The following PCDHGA10 variants were observed in gnomAD, a reference collection of about 807,000 sequenced individuals.
PCDHGA10 encodes protocadherin gamma-A10.
Under a neutral mutation model 59.5 loss-of-function variants are expected in PCDHGA10, and 42 were observed. The ratio of observed to expected loss-of-function variants is 0.71; its 90% CI spans 0.55 to 0.91. The LOEUF (loss-of-function observed/expected upper bound fraction) is 0.91, where lower values mean the gene tolerates loss of function less well. Ranked by LOEUF, PCDHGA10 falls within the 40% of genes least tolerant of loss-of-function variation. PCDHGA10 has a pLI of 0.00. For synonymous variants in PCDHGA10, 511 were observed against 517.2 expected, an observed-to-expected ratio of 0.99 and a Z score of 0.16; for missense variants, 1,111 against 1,198.2, an observed-to-expected ratio of 0.93 and a Z score of 1.07.
chr5:141,460,214 G>C (rs925628892), intron 1 of PCDHGA10, among the ~76,000 whole-genome samples: 1 of 151,896 alleles, frequency 6.6e-6, no homozygotes, highest in South Asian at 2.1e-4. Flanking sequence ...CATTTTCTTA[G>C]TTGTGTCTTT....
At chr5:141,419,781 G>A in intron 1 of PCDHGA10, 1 of 1,614,032 alleles carries the variant, frequency 6.2e-7, no homozygotes, top group Non-Finnish European at 8.5e-7. Flanking sequence ...GTCCGCCAGC[G>A]CCTGCTAGTC....
At chr5:141,420,824 C>T (rs1282369085) in intron 1 of PCDHGA10, among the ~76,000 whole-genome samples, 1 of 152,216 alleles carries the variant, frequency 6.6e-6, no homozygotes, top group Admixed American at 6.5e-5. Context: ...TTAATAATTA[C>T]TCCTTTCGCA....
At chr5:141,446,767 G>T (rs891355909) in intron 1 of PCDHGA10, among the ~76,000 whole-genome samples, 1 of 152,118 alleles carries the variant, frequency 6.6e-6, no homozygotes, top group African/African-American at 2.4e-5. Flanking sequence ...GCGCCCAGCC[G>T]GTTACCATTC....
At position 141,432,871 on chromosome 5, in the gene PCDHGA10, C is replaced by T. The variant is rs1190891661; in HGVS notation, c.2436+17260C>T. On this transcript the variant is annotated intron_variant, in intron 1 of 3. Transcript: ENST00000398610. This position sits in a 1 kb window ranked among gnomAD's most constrained non-coding sequence, Gnocchi z 6.0. ...CGGTGGCCGCGGTCTCCTGCGTCTT[C>T]CTGGCCTTCGTCATCTTGCTGCTGG... 1 of 1,614,216 alleles carries T rather than the reference C, an allele frequency of 6.2e-7. No homozygotes were observed. Among genetic ancestry groups the T allele is most frequent in the Non-Finnish European group, 8.5e-7 (1 of 1,180,018 alleles).
rs751214480 is a variant in PCDHGA10, at chr5:141,485,161, G to A, written c.2437-9646G>A. ...CGTCTCAGGAGCAAGTAGAGAATTA[G>A]CGGGCGGCAGCAATGCTCCGCAAGG... On this transcript the variant is annotated intron_variant, in intron 1 of 3. Transcript: ENST00000398610. The surrounding 1 kb of genome is among the most constrained non-coding windows in gnomAD (Gnocchi z 5.7). The A allele has an allele frequency of 8.1e-6, 13 of 1,603,712 alleles. No individual in the cohort carries two copies. The Admixed American group carries it at 2.0e-4, about 25-fold the overall frequency.
chr5:141,499,932 C>A (rs1169727162), intron 2 of PCDHGA10, among the ~76,000 whole-genome samples: 1 of 152,076 alleles, frequency 6.6e-6, no homozygotes, highest in Non-Finnish European at 1.5e-5. Context: ...AAGTGATCCA[C>A]CCTCCTCGGC....
At position 141,486,408 on chromosome 5, in the gene PCDHGA10, C is replaced by G; in HGVS notation, c.2437-8399C>G. The G allele has an allele frequency of 1.2e-6, 2 of 1,614,156 alleles. No homozygotes were observed. The highest frequency in any genetic ancestry group is 1.7e-6 in the Non-Finnish European group (2 of 1,180,014). Reference sequence around the variant, plus strand: ...CAGTTCTCCCTGGTGACTGCTGGACCCTTGGATCGAGAGGCCAAATCTAGC... The same window carrying G: ...CAGTTCTCCCTGGTGACTGCTGGACGCTTGGATCGAGAGGCCAAATCTAGC... On this transcript the variant is annotated intron_variant, in intron 1 of 3. Transcript: ENST00000398610. This position sits in a 1 kb window ranked among gnomAD's most constrained non-coding sequence, Gnocchi z 5.0.
At chr5:141,423,148 C>G (rs2096714622) in intron 1 of PCDHGA10, 1 of 1,613,404 alleles carries the variant, frequency 6.2e-7, no homozygotes, top group African/African-American at 1.3e-5. Flanking sequence ...CGCGCTCAAG[C>G]AGAGCCTCGT....
intron 1 of PCDHGA10, among the ~76,000 whole-genome samples, chr5:141,443,592 G>A (rs2098395439): frequency 6.6e-6 from 1 of 152,076 alleles, no homozygotes; most frequent in Admixed American, 6.6e-5. Context: ...AACAGAATGT[G>A]GTATATGAAA....
chr5:141,486,282 C>T lies in PCDHGA10; in HGVS notation c.2437-8525C>T. ...AGTGCAGAACCTGGCACTGTGGTGGCACTTATCAGTGTGCAGGATCCAGAC... is the reference window on the plus strand; with the variant it reads ...AGTGCAGAACCTGGCACTGTGGTGGTACTTATCAGTGTGCAGGATCCAGAC... On this transcript the variant is annotated intron_variant, in intron 1 of 3. Transcript: ENST00000398610. This position sits in a 1 kb window ranked among gnomAD's most constrained non-coding sequence, Gnocchi z 5.0. 6.2e-7 allele frequency: 1 copy of T among 1,614,052 alleles called. No homozygotes were observed. Among genetic ancestry groups the T allele is most frequent in the Non-Finnish European group, 8.5e-7 (1 of 1,179,992 alleles).
In PCDHGA10 at chr5:141,490,108, C is replaced by A; in HGVS notation, c.2437-4699C>A. The A allele has an allele frequency of 6.2e-7, 1 of 1,614,244 alleles. No homozygotes were observed. The highest frequency in any genetic ancestry group is 8.5e-7 in the Non-Finnish European group (1 of 1,180,034). On this transcript the variant is annotated intron_variant, in intron 1 of 3. Transcript: ENST00000398610. This position sits in a 1 kb window ranked among gnomAD's most constrained non-coding sequence, Gnocchi z 5.4. The stretch of plus-strand genomic sequence containing the variant: ...TGGAGACCACACATCTGAGGCAGTG[C>A]GGAACCTCTTTGGCCTAGACCCTAG...
Position 141,491,880 on chromosome 5 carries a change from G to C in PCDHGA10, c.2437-2927G>C. ...GCGAAACCAGAGTGGCCGATTAAGG[G>C]ATGGGGCTCCGAGCACCGGGGGTGG... On this transcript the variant is annotated intron_variant, in intron 1 of 3. Transcript: ENST00000398610. This position sits in a 1 kb window ranked among gnomAD's most constrained non-coding sequence, Gnocchi z 6.9. 1 of 1,449,834 alleles carries C rather than the reference G, an allele frequency of 6.9e-7. No individual in the cohort carries two copies. 89.8% of individuals were successfully genotyped at this position (1,449,834 alleles called of 1,614,324 possible).
At chr5:141,471,504 G>A (rs1487198851) in intron 1 of PCDHGA10, 1 of 152,214 alleles carries the variant, frequency 6.6e-6, no homozygotes, top group Non-Finnish European at 1.5e-5. Flanking sequence ...ATGCAAGAGA[G>A]GGAGTAAAAA....
At chr5:141,498,971 GGGAAGGAAGGAAGGAAGGAA>G (rs201769957) in intron 2 of PCDHGA10, among the ~76,000 whole-genome samples, 1,566 of 111,048 alleles carry the variant, frequency 0.014, 32 homozygotes, top group African/African-American at 0.048. Flanking sequence ...GAGGGAGGGA[GGGAAGGAAGGAAGGAAGGAA>G]GGAAGGAAGG....
intron 1 of PCDHGA10, among the ~76,000 whole-genome samples, chr5:141,447,279 A>G (rs1394174534): frequency 1.3e-5 from 2 of 152,156 alleles, no homozygotes; most frequent in African/African-American, 4.8e-5. Flanking sequence ...AGCTGGGACT[A>G]CAGGCACATG....
At position 141,431,140 on chromosome 5, in the gene PCDHGA10, C is replaced by T. The variant is rs145692116; in HGVS notation, c.2436+15529C>T. 2.4e-5 allele frequency: 38 copies of T among 1,614,208 alleles called. No individual in the cohort carries two copies. Among genetic ancestry groups the T allele is most frequent in the Admixed American group, 3.3e-5 (2 of 60,038 alleles). On this transcript the variant is annotated intron_variant, in intron 1 of 3. Coordinates refer to ENST00000398610, the MANE Select transcript of PCDHGA10 (RefSeq NM_018913.3). This position sits in a 1 kb window ranked among gnomAD's most constrained non-coding sequence, Gnocchi z 4.8. ...TAGAAGTAGAAGTAAGGGACATTAA[C>T]GACAATGCGCCTTACTTTCGTGAAA...
chr5:141,481,724 C>T (rs1301509633), intron 1 of PCDHGA10, among the ~76,000 whole-genome samples: 2 of 151,882 alleles, frequency 1.3e-5, no homozygotes. Context: ...GAGGCGGAGG[C>T]GGGCGGATCA....
intron 1 of PCDHGA10, chr5:141,427,536 G>T (rs758610182): frequency 1.6e-6 from 1 of 626,396 alleles, no homozygotes; most frequent in Non-Finnish European, 3.0e-6. Context: ...GGAGTACAAC[G>T]TCACCATCAC....
intron 2 of PCDHGA10, among the ~76,000 whole-genome samples, chr5:141,497,483 C>T (rs1039341023): frequency 6.6e-6 from 1 of 150,378 alleles, no homozygotes; most frequent in Non-Finnish European, 1.5e-5. Context: ...AGGTGCGGAA[C>T]CTCTCTCTCT....
Sources: allele counts gnomAD v4.1 joint callset (sites outside exome capture counted in the v4.1 genomes callset), GRCh38; gene constraint gnomAD v4.1.1; non-coding constraint Gnocchi (gnomAD v3.1); transcripts MANE v1.5; gene names NCBI Gene and HGNC (gene_info 2026-07-23, HGNC 2026-07-21).